The following PALLD variants were observed in gnomAD, a reference collection of about 807,000 sequenced individuals.
The protein encoded by PALLD is palladin.
PALLD carries 61 observed loss-of-function variants against 123.5 expected under a neutral mutation model. That is an observed-to-expected ratio of 0.49 (90% CI 0.40 to 0.61). The LOEUF (loss-of-function observed/expected upper bound fraction) is 0.61, where lower values mean the gene tolerates loss of function less well. Ranked by LOEUF, PALLD falls within the 20% of genes least tolerant of loss-of-function variation. The pLI is 0.00. For synonymous variants in PALLD, 465 were observed against 496.4 expected (o/e 0.94, Z 0.84); for missense variants, 1,273 against 1,377.0 (o/e 0.92, Z 1.20).
intron 19 of PALLD, among the ~76,000 whole-genome samples, 167 bp downstream of exon 19, chr4:168,924,587 TA>T (rs2126579251): frequency 6.6e-6 from 1 of 152,308 alleles, no homozygotes; most frequent in South Asian, 2.1e-4. Context: ...AATGTAGGAT[TA>T]AGCTTTTAGA....
intron 1 of PALLD, among the ~76,000 whole-genome samples, chr4:168,500,855 T>C (rs79292795): frequency 4.6e-5 from 7 of 152,310 alleles, no homozygotes; most frequent in African/African-American, 1.7e-4. Flanking sequence ...ACCATATACA[T>C]TTATGCCTAT....
chr4:168,741,343 T>TGTGTGTG (rs1554074716), intron 10 of PALLD, among the ~76,000 whole-genome samples: 5 of 112,594 alleles, frequency 4.4e-5, no homozygotes, highest in African/African-American at 2.5e-4. Context: ...TATATTTGTT[T>TGTGTGTG]TTTTTGTGTG....
intron 10 of PALLD, among the ~76,000 whole-genome samples, chr4:168,831,024 T>C (rs922825791): frequency 3.3e-5 from 5 of 152,210 alleles, no homozygotes; most frequent in African/African-American, 1.2e-4. Flanking sequence ...GTTAACAGCT[T>C]ATTGTGTGTG....
intron 15 of PALLD, among the ~76,000 whole-genome samples, chr4:168,907,880 A>G (rs1560901115): frequency 6.6e-6 from 1 of 152,198 alleles, no homozygotes; most frequent in Non-Finnish European, 1.5e-5. Flanking sequence ...ATCACAGTAA[A>G]CAGACCAGTT....
intron 10 of PALLD, among the ~76,000 whole-genome samples, chr4:168,816,415 T>TATA (rs35097396): frequency 0.23 from 30,993 of 134,514 alleles, 4,482 homozygotes; most frequent in Non-Finnish European, 0.35. Context: ...ATATATATAT[T>TATA]TTTTTTAAGT....
In PALLD at chr4:168,743,531, T is replaced by C. The variant is rs75025017; in HGVS notation, c.1964+31608T>C. Among the ~76,000 whole-genome samples the C allele has an allele frequency of 2.7e-4, 41 of 152,250 alleles. No homozygotes were observed. The East Asian group carries it at 7.7e-3, about 29-fold the overall frequency. On this transcript the variant is annotated intron_variant, in intron 10 of 21. Transcript: ENST00000505667. Reference sequence around the variant, plus strand: ...CACTCCTTTTTTCAAAATTCCAACTTATAATGTAAGATTTGATGGGTTTGT... The same window carrying C: ...CACTCCTTTTTTCAAAATTCCAACTCATAATGTAAGATTTGATGGGTTTGT...
At chr4:168,537,028 G>A (rs572682362) in intron 2 of PALLD, among the ~76,000 whole-genome samples, 76 of 152,130 alleles carry the variant, frequency 5.0e-4, no homozygotes, top group South Asian at 2.1e-4. Flanking sequence ...CAGTTTCATC[G>A]TGTTAGCCAG....
At chr4:168,667,655 T>C (rs914249756) in intron 2 of PALLD, among the ~76,000 whole-genome samples, 3 of 152,192 alleles carry the variant, frequency 2.0e-5, no homozygotes, top group Non-Finnish European at 4.4e-5. Flanking sequence ...GGCGGTCTGC[T>C]AGAAAGTTTT....
intron 2 of PALLD, among the ~76,000 whole-genome samples, chr4:168,552,374 A>G (rs1766827749): frequency 6.6e-6 from 1 of 152,124 alleles, no homozygotes; most frequent in Non-Finnish European, 1.5e-5. Context: ...GTATGAAGTG[A>G]TATTTTTAAG....
Position 168,920,886 on chromosome 4 carries a change from G to A in PALLD, c.2851-648G>A, listed in dbSNP as rs1761343258. ...TGCCAGCTGAGTATTTGTTATTATT[G>A]TTGGACATCTTTTTTCAAAGAAGCC... On this transcript the variant is annotated intron_variant, in intron 17 of 21. Transcript: ENST00000505667. 2.0e-5 allele frequency among the ~76,000 whole-genome samples: 3 copies of A among 152,056 alleles called. No homozygotes were observed. In the South Asian group the frequency reaches 6.2e-4, roughly 32 times the overall value.
At chr4:168,875,876 G>A (rs1751679914) in intron 10 of PALLD, among the ~76,000 whole-genome samples, 1 of 152,200 alleles carries the variant, frequency 6.6e-6, no homozygotes, top group South Asian at 2.1e-4. Flanking sequence ...TAATTCTGGG[G>A]CCAGGGAATC....
At chr4:168,540,934 C>T (rs73863916) in intron 2 of PALLD, among the ~76,000 whole-genome samples, 10,637 of 152,168 alleles carry the variant, frequency 0.07, 659 homozygotes, top group African/African-American at 0.16. Context: ...CAGCCTTCAT[C>T]TCTCATTGCA....
At chr4:168,711,492 A>T (rs1372184024) in intron 9 of PALLD, 89 bp from the exon 10 acceptor site, 1 of 943,500 alleles carries the variant, frequency 1.1e-6, no homozygotes, top group East Asian at 2.4e-5. Flanking sequence ...CACACAACAC[A>T]GGGATTCTCA....
intron 10 of PALLD, among the ~76,000 whole-genome samples, chr4:168,883,152 T>C (rs542629564): frequency 8.6e-4 from 131 of 151,632 alleles, no homozygotes; most frequent in African/African-American, 2.8e-3. Context: ...ACCCAAAATA[T>C]AATATGAGGA....
intron 2 of PALLD, among the ~76,000 whole-genome samples, chr4:168,564,879 A>G (rs911908548): frequency 2.0e-5 from 3 of 152,112 alleles, no homozygotes; most frequent in Non-Finnish European, 4.4e-5. Flanking sequence ...ACTTTCTTAA[A>G]TTTAACATTA....
At chr4:168,761,641 G>GTTTTTTTTTT (rs1230404942) in intron 10 of PALLD, among the ~76,000 whole-genome samples, 4 of 11,634 alleles carry the variant, frequency 3.4e-4, no homozygotes, top group Admixed American at 1.4e-3. Flanking sequence ...TGTTGTTGTT[G>GTTTTTTTTTT]TTTGTTTTTT....
At chr4:168,644,125 G>T (rs1333751466) in intron 2 of PALLD, among the ~76,000 whole-genome samples, 11 of 141,036 alleles carry the variant, frequency 7.8e-5, no homozygotes, top group Non-Finnish European at 1.1e-4. Context: ...TCTCACTCTT[G>T]TCATCCAGGC....
intron 10 of PALLD, among the ~76,000 whole-genome samples, chr4:168,851,362 T>C (rs1225277633): frequency 2.6e-5 from 4 of 152,162 alleles, no homozygotes; most frequent in African/African-American, 9.7e-5. Context: ...ATTCCAAACC[T>C]GTTTTTTGTT....
At chr4:168,586,735 C>T (rs1201989350) in intron 2 of PALLD, among the ~76,000 whole-genome samples, 1 of 152,088 alleles carries the variant, frequency 6.6e-6, no homozygotes, top group Non-Finnish European at 1.5e-5. Context: ...CTCTGGACAT[C>T]CATGGAACAA....
Sources: allele counts gnomAD v4.1 joint callset (sites outside exome capture counted in the v4.1 genomes callset), GRCh38; gene constraint gnomAD v4.1.1; transcripts MANE v1.5; gene names NCBI Gene and HGNC (gene_info 2026-07-23, HGNC 2026-07-21).